ACTN4: variants seen among roughly 807,000 people sequenced by gnomAD.
ACTN4 encodes actinin alpha 4.
A neutral mutation model predicts 114.2 loss-of-function variants in ACTN4; 18 were observed. The observed-to-expected ratio is 0.16, with a 90% CI of 0.11 to 0.23. The LOEUF is 0.23. Ranked by LOEUF, ACTN4 falls within the 10% of genes least tolerant of loss-of-function variation. The pLI, the probability that ACTN4 is intolerant of heterozygous loss-of-function variation, is 1.00. For missense variants in ACTN4, 722 were observed against 1,262.9 expected, an observed-to-expected ratio of 0.57 and a Z score of 6.49; for synonymous variants, 515 against 506.3, an observed-to-expected ratio of 1.02 and a Z score of -0.23.
At chr19:38,668,547 A>G (rs1568684794) in intron 1 of ACTN4, among the ~76,000 whole-genome samples, 1 of 152,114 alleles carries the variant, frequency 6.6e-6, no homozygotes, top group African/African-American at 2.4e-5. Flanking sequence ...TTAGCTGGGC[A>G]TGGTGGTGCG....
intron 1 of ACTN4, among the ~76,000 whole-genome samples, chr19:38,675,303 G>A (rs1480231154): frequency 6.6e-6 from 1 of 152,234 alleles, no homozygotes; most frequent in Non-Finnish European, 1.5e-5. Context: ...CATTTTTGAG[G>A]CAGGGTCTTG....
chr19:38,652,920 T>C (rs1976608725), intron 1 of ACTN4, among the ~76,000 whole-genome samples: 1 of 152,002 alleles, frequency 6.6e-6, no homozygotes, highest in Admixed American at 6.6e-5. Flanking sequence ...ACCCCGTCTC[T>C]ACCAATAATA....
chr19:38,731,114 G>A lies in ACTN4; in HGVS notation c.*1682G>A. ...TGCCGGGGTGGTACTCACAGAAGAT[G>A]CAGGTGAGGTGGGCCACACAGGACA... On this transcript the variant is annotated 3_prime_UTR_variant, in exon 21 of 21. Transcript: ENST00000252699. 1 of 1,611,392 alleles carries A rather than the reference G, an allele frequency of 6.2e-7. No individual in the cohort carries two copies. Among genetic ancestry groups the A allele is most frequent in the East Asian group, 2.2e-5 (1 of 44,834 alleles).
At chr19:38,713,520 G>A (rs1304534416) in intron 8 of ACTN4, among the ~76,000 whole-genome samples, 2 of 152,170 alleles carry the variant, frequency 1.3e-5, no homozygotes, top group African/African-American at 2.4e-5. Context: ...TGGGGCCCTG[G>A]GTGTGTGTCC....
chr19:38,703,907 C>T (rs888994173), intron 3 of ACTN4, among the ~76,000 whole-genome samples: 3 of 152,072 alleles, frequency 2.0e-5, no homozygotes, highest in Non-Finnish European at 4.4e-5. Context: ...AGGCTAGGGG[C>T]GTGCTTTGTG....
chr19:38,649,404 G>T (rs938256048), intron 1 of ACTN4, among the ~76,000 whole-genome samples: 2 of 152,026 alleles, frequency 1.3e-5, no homozygotes, highest in African/African-American at 2.4e-5. Flanking sequence ...CGTGAAATGG[G>T]TGGGAGGTAC....
intron 1 of ACTN4, among the ~76,000 whole-genome samples, chr19:38,672,441 A>G (rs545865295): frequency 2.6e-5 from 4 of 151,122 alleles, no homozygotes; most frequent in Admixed American, 6.6e-5. Context: ...TGGTTTCTCC[A>G]TGTTGGCCAG....
chr19:38,684,878 T>C (rs1455105512), intron 1 of ACTN4, among the ~76,000 whole-genome samples: 1 of 152,068 alleles, frequency 6.6e-6, no homozygotes, highest in Non-Finnish European at 1.5e-5. Flanking sequence ...GACTGAATAT[T>C]GTCAAGGGAA....
chr19:38,721,378 G>A (rs1340028943), intron 11 of ACTN4, among the ~76,000 whole-genome samples, 160 bp from the exon 12 acceptor site: 2 of 152,214 alleles, frequency 1.3e-5, no homozygotes, highest in Non-Finnish European at 2.9e-5. Context: ...TCCCTGGAGG[G>A]TACGGAAGAA....
At chr19:38,705,937 T>C in intron 4 of ACTN4, 107 bp from the exon 5 acceptor site, 1 of 1,059,606 alleles carries the variant, frequency 9.4e-7, no homozygotes, top group Admixed American at 1.7e-5. Flanking sequence ...CCTCTCCCCT[T>C]GGGTTTCGTT....
At position 38,730,800 on chromosome 19, in the gene ACTN4, G is replaced by A. The variant is rs898111699; in HGVS notation, c.*1368G>A. 3.2e-6 allele frequency: 5 copies of A among 1,548,056 alleles called. No individual in the cohort carries two copies. In the South Asian group the frequency reaches 3.6e-5, roughly 11 times the overall value. ...CATGCCAGGCAAGGCCTAGGGAGGTGGTCTTGCTCAGCAACCCTGCCCTGA... is the reference window on the plus strand; with the variant it reads ...CATGCCAGGCAAGGCCTAGGGAGGTAGTCTTGCTCAGCAACCCTGCCCTGA... On this transcript the variant is annotated 3_prime_UTR_variant, in exon 21 of 21. Coordinates refer to ENST00000252699, the MANE Select transcript of ACTN4 (RefSeq NM_004924.6).
At chr19:38,692,798 C>T (rs1967972906) in intron 1 of ACTN4, among the ~76,000 whole-genome samples, 2 of 152,152 alleles carry the variant, frequency 1.3e-5, no homozygotes, top group South Asian at 4.1e-4. Context: ...ACACCCTTCC[C>T]TAGGACCCAT....
intron 11 of ACTN4, 56 bp from the exon 12 acceptor site, chr19:38,721,482 G>A: frequency 6.2e-7 from 1 of 1,609,154 alleles, no homozygotes; most frequent in Non-Finnish European, 8.5e-7. Context: ...AGCCCCTCCA[G>A]ACTCCTGCCC....
intron 1 of ACTN4, among the ~76,000 whole-genome samples, chr19:38,695,420 C>T (rs1343784271): frequency 6.6e-6 from 1 of 152,202 alleles, no homozygotes; most frequent in East Asian, 1.9e-4. Flanking sequence ...GCTCTGGTTC[C>T]TCCCAAATGA....
In ACTN4 at chr19:38,718,020, C is replaced by A. The variant is rs1474682610; in HGVS notation, c.1237C>A (p.His413Asn). 1 of 1,607,644 alleles carries A rather than the reference C, an allele frequency of 6.2e-7. No individual in the cohort carries two copies. The change falls in exon 11 of 21, where the codon CAC (histidine) becomes AAC (asparagine). Residue 413 changes from histidine (H) to asparagine (N), a missense_variant. By Grantham distance (68) the His-to-Asn change is moderately conservative. Around this residue, in one of 3 missense-constraint regions of ACTN4, gnomAD observed 523 missense variants for 875.9 expected, o/e 0.60. Coordinates refer to ENST00000252699, the MANE Select transcript of ACTN4 (RefSeq NM_004924.6). The part of the protein sequence containing the change: ...NEIRRLERLD[H>N]LAEKFRQKAS... ...GATCCGCAGGCTGGAGCGGCTCGACCACCTGGCAGAGAAGTTCCGGCAGAA... is the reference window on the plus strand; with the variant it reads ...GATCCGCAGGCTGGAGCGGCTCGACAACCTGGCAGAGAAGTTCCGGCAGAA...
chr19:38,648,012 G>C lies in ACTN4; in HGVS notation c.162+105G>C, dbSNP rs929158650. ...ACTGGAGCGTCTGTGATGGGAACGG[G>C]GGGGTCCCGAGAAGGAATTGGCGGG... On this transcript the variant is annotated intron_variant, in intron 1 of 20. Coordinates refer to ENST00000252699, the MANE Select transcript of ACTN4 (RefSeq NM_004924.6). 1.5e-5 allele frequency: 19 copies of C among 1,298,016 alleles called. No homozygotes were observed. The Admixed American group carries it at 7.0e-4, about 48-fold the overall frequency. 80.4% of individuals were successfully genotyped at this position (1,298,016 alleles called of 1,614,324 possible).
At chr19:38,728,203 C>T (rs1818419227) in intron 19 of ACTN4, 177 bp downstream of exon 19, 15 of 1,346,748 alleles carry the variant, frequency 1.1e-5, no homozygotes, top group African/African-American at 2.9e-5. Context: ...CTCTTGGGGC[C>T]GCTGTCTCCC....
chr19:38,708,236 C>G, intron 6 of ACTN4, 41 bp downstream of exon 6: 1 of 1,602,412 alleles, frequency 6.2e-7, no homozygotes, highest in Non-Finnish European at 8.5e-7. Context: ...ACAGACGTGC[C>G]CTGTCTGACC....
intron 1 of ACTN4, among the ~76,000 whole-genome samples, chr19:38,655,386 G>T (rs1449519015): frequency 6.6e-6 from 1 of 152,194 alleles, no homozygotes; most frequent in East Asian, 1.9e-4. Context: ...ACCAAGCAGA[G>T]ACTTTCTCTT....
Sources: allele counts gnomAD v4.1 joint callset (sites outside exome capture counted in the v4.1 genomes callset), GRCh38; gene constraint gnomAD v4.1.1; regional missense constraint gnomAD v4.1.1; transcripts MANE v1.5; gene names NCBI Gene and HGNC (gene_info 2026-07-23, HGNC 2026-07-21).